The following SH3BGR variants were observed in gnomAD, a reference collection of about 807,000 sequenced individuals.
The protein encoded by SH3BGR is SH3 domain-binding glutamic acid-rich protein.
In SH3BGR, 29 loss-of-function variants were observed where a neutral mutation model predicts 24.5. The ratio of observed to expected loss-of-function variants is 1.18; its 90% CI spans 0.88 to 1.61. The LOEUF is 1.61. SH3BGR is among the 40% of genes most tolerant of loss of function. The pLI, the probability that SH3BGR is intolerant of heterozygous loss-of-function variation, is 0.00. For missense variants in SH3BGR, 162 were observed against 205.8 expected, an observed-to-expected ratio of 0.79 and a Z score of 1.30; for synonymous variants, 55 against 65.7, an observed-to-expected ratio of 0.84 and a Z score of 0.79.
intron 4 of SH3BGR, among the ~76,000 whole-genome samples, chr21:39,505,902 C>T (rs574084415): frequency 6.6e-6 from 1 of 152,278 alleles, no homozygotes; most frequent in Admixed American, 6.5e-5. Flanking sequence ...TCATTTGTTT[C>T]AACTGAATAT....
intron 3 of SH3BGR, among the ~76,000 whole-genome samples, chr21:39,477,328 A>G (rs1020718908): frequency 6.6e-6 from 1 of 152,114 alleles, no homozygotes; most frequent in African/African-American, 2.4e-5. Flanking sequence ...TAGAGACAGG[A>G]TCTTGCTATG....
chr21:39,510,449 C>CAT (rs1477462282), intron 5 of SH3BGR, among the ~76,000 whole-genome samples: 9 of 107,040 alleles, frequency 8.4e-5, no homozygotes, highest in African/African-American at 2.7e-4. Flanking sequence ...CACACACACA[C>CAT]ACACACTGTA....
intron 2 of SH3BGR, among the ~76,000 whole-genome samples, chr21:39,472,150 T>C (rs1471870361): frequency 6.6e-6 from 1 of 151,786 alleles, no homozygotes; most frequent in Non-Finnish European, 1.5e-5. Context: ...TCTTAGTCTG[T>C]TTTGTGCTGC....
At chr21:39,481,986 T>A (rs2078137318) in intron 3 of SH3BGR, among the ~76,000 whole-genome samples, 1 of 152,182 alleles carries the variant, frequency 6.6e-6, no homozygotes, top group Admixed American at 6.5e-5. Flanking sequence ...CCGATCTTTA[T>A]AATAAAGAGA....
chr21:39,468,410 C>T (rs1415340789), intron 2 of SH3BGR, among the ~76,000 whole-genome samples: 1 of 152,196 alleles, frequency 6.6e-6, no homozygotes, highest in Non-Finnish European at 1.5e-5. Flanking sequence ...GTGTGCCTCT[C>T]TCCCTGATCC....
At chr21:39,505,361 C>T (rs764549679) in intron 4 of SH3BGR, among the ~76,000 whole-genome samples, 1 of 152,142 alleles carries the variant, frequency 6.6e-6, no homozygotes, top group Non-Finnish European at 1.5e-5. Context: ...CTTATCCTTT[C>T]GAGGCTAAGT....
At position 39,515,257 on chromosome 21, in the gene SH3BGR, C is replaced by A; in HGVS notation, c.*204C>A. ...AATCATACAAAATTAAATGTGAAGA[C>A]CGTTTATGCATACCTTCATGTGCCT... On this transcript the variant is annotated 3_prime_UTR_variant, in exon 7 of 7. Transcript: ENST00000333634. 2.8e-6 allele frequency: 1 copy of A among 360,122 alleles called. No individual in the cohort carries two copies. Among genetic ancestry groups the A allele is most frequent in the Admixed American group, 3.7e-5 (1 of 27,030 alleles). 22.3% of individuals were successfully genotyped at this position (360,122 alleles called of 1,614,324 possible). A position where few individuals can be genotyped will look rare whatever the true frequency, so the allele number is the denominator to read the frequency against.
intron 2 of SH3BGR, among the ~76,000 whole-genome samples, chr21:39,472,973 C>G (rs527481821): frequency 6.6e-6 from 1 of 152,128 alleles, no homozygotes; most frequent in East Asian, 1.9e-4. Flanking sequence ...TGGCTGGACT[C>G]TTTTATGCCA....
intron 3 of SH3BGR, chr21:39,488,863 C>T (rs185657366): frequency 1.2e-5 from 2 of 160,930 alleles, no homozygotes; most frequent in Non-Finnish European, 2.7e-5. Flanking sequence ...TATCTAGCCC[C>T]GAAGGCTTTC....
chr21:39,497,883 G>A (rs1244433623), intron 3 of SH3BGR, among the ~76,000 whole-genome samples: 3 of 152,192 alleles, frequency 2.0e-5, no homozygotes, highest in Non-Finnish European at 4.4e-5. Flanking sequence ...TCGCTGTGGG[G>A]ATATGAATTG....
At chr21:39,512,611 A>G (rs2123575628) in intron 6 of SH3BGR, among the ~76,000 whole-genome samples, 1 of 152,294 alleles carries the variant, frequency 6.6e-6, no homozygotes, top group Middle Eastern at 3.4e-3. Context: ...ATAGGACAGC[A>G]TGCGTGAAAA....
intron 1 of SH3BGR, chr21:39,446,923 AGAAAC>A (rs1222513852): frequency 6.6e-6 from 1 of 152,120 alleles, no homozygotes; most frequent in Non-Finnish European, 1.5e-5. Context: ...ATATAAAAGG[AGAAAC>A]GGGTGTTTTT....
At chr21:39,497,723 T>TA (rs1453434075) in intron 3 of SH3BGR, among the ~76,000 whole-genome samples, 2 of 152,140 alleles carry the variant, frequency 1.3e-5, no homozygotes, top group African/African-American at 4.8e-5. Flanking sequence ...TAAAAATTTA[T>TA]AAAAAATATG....
In SH3BGR at chr21:39,511,656, T is replaced by C; in HGVS notation, c.436-24T>C. 6.2e-7 allele frequency: 1 copy of C among 1,606,416 alleles called. No homozygotes were observed. ...CCTTGGCCCTTATGCTTCTTAATAC[T>C]AATGTAAGTTTTGTTAAAATAAGAC... is the stretch of plus-strand genomic sequence containing the variant. On this transcript the variant is annotated intron_variant, in intron 5 of 6. Coordinates refer to ENST00000333634, the MANE Select transcript of SH3BGR (RefSeq NM_007341.3). This position sits in a 1 kb window ranked among gnomAD's most constrained non-coding sequence, Gnocchi z 4.2.
intron 2 of SH3BGR, among the ~76,000 whole-genome samples, chr21:39,469,992 G>T (rs140868114): frequency 6.6e-6 from 1 of 152,158 alleles, no homozygotes; most frequent in African/African-American, 2.4e-5. Context: ...TAAATGTTAA[G>T]ATATTTATAC....
intron 2 of SH3BGR, among the ~76,000 whole-genome samples, chr21:39,468,311 A>C (rs1338695211): frequency 6.6e-6 from 1 of 152,226 alleles, no homozygotes; most frequent in Non-Finnish European, 1.5e-5. Context: ...TACATAATTT[A>C]AAAAGGAGTG....
intron 3 of SH3BGR, among the ~76,000 whole-genome samples, chr21:39,477,671 T>C (rs2078049530): frequency 1.3e-5 from 2 of 152,202 alleles, no homozygotes; most frequent in South Asian, 2.1e-4. Context: ...CCTGCTGCAC[T>C]GTGGTGGACC....
upstream of SH3BGR, chr21:39,445,941 G>C (rs1287085143): frequency 6.6e-6 from 1 of 152,278 alleles, no homozygotes; most frequent in African/African-American, 2.4e-5. Context: ...TGAGTTTCTT[G>C]TGTAGACGTC....
At chr21:39,450,704 C>T (rs114536171), upstream of SH3BGR, among the ~76,000 whole-genome samples, 586 of 152,274 alleles carry the variant, frequency 3.8e-3, 3 homozygotes, top group African/African-American at 0.014. Context: ...TGCCCTTGAT[C>T]TTGATTTTGA....
Sources: allele counts gnomAD v4.1 joint callset (sites outside exome capture counted in the v4.1 genomes callset), GRCh38; gene constraint gnomAD v4.1.1; non-coding constraint Gnocchi (gnomAD v3.1); transcripts MANE v1.5; gene names NCBI Gene and HGNC (gene_info 2026-07-23, HGNC 2026-07-21).